The following CEP128 variants were observed in gnomAD, a reference collection of about 807,000 sequenced individuals.
The protein encoded by CEP128 is centrosomal protein 128kDa.
A neutral mutation model predicts 156.7 loss-of-function variants in CEP128; 132 were observed. The observed-to-expected ratio is 0.84, with a 90% CI of 0.73 to 0.97. The LOEUF is 0.97. CEP128 is among the 50% of genes least tolerant of loss of function. The pLI is 0.00. For missense variants in CEP128, 1,252 were observed against 1,281.9 expected (o/e 0.98, Z 0.36); for synonymous variants, 469 against 448.9 (o/e 1.04, Z -0.57).
intron 21 of CEP128, among the ~76,000 whole-genome samples, chr14:80,558,938 A>G (rs1023208964): frequency 2.0e-5 from 3 of 152,236 alleles, no homozygotes; most frequent in Non-Finnish European, 4.4e-5. Context: ...AACTGATCTC[A>G]GTTTCTTATC....
chr14:80,823,981 T>A (rs1396345729), intron 13 of CEP128, among the ~76,000 whole-genome samples: 1 of 152,224 alleles, frequency 6.6e-6, no homozygotes, highest in African/African-American at 2.4e-5. Flanking sequence ...TGCCTAGGCA[T>A]CCAGGCATTT....
chr14:80,832,085 A>T (rs1885833205), intron 12 of CEP128, among the ~76,000 whole-genome samples: 1 of 152,180 alleles, frequency 6.6e-6, no homozygotes, highest in Non-Finnish European at 1.5e-5. Flanking sequence ...TTTATAAAGG[A>T]GAGTTCCCCT....
At chr14:80,668,874 G>C (rs956671441) in intron 19 of CEP128, among the ~76,000 whole-genome samples, 4 of 152,164 alleles carry the variant, frequency 2.6e-5, no homozygotes, top group Non-Finnish European at 4.4e-5. Context: ...AGTCTCACAA[G>C]ATGATGGTTT....
chr14:80,604,044 A>T (rs1892684592), intron 19 of CEP128, among the ~76,000 whole-genome samples: 1 of 152,210 alleles, frequency 6.6e-6, no homozygotes, highest in African/African-American at 2.4e-5. Flanking sequence ...CTTTCAAAAA[A>T]GCAATATTTT....
At chr14:80,568,285 T>C (rs1330183872) in intron 20 of CEP128, among the ~76,000 whole-genome samples, 1 of 152,204 alleles carries the variant, frequency 6.6e-6, no homozygotes, top group Admixed American at 6.5e-5. Flanking sequence ...TCCCACGCCG[T>C]GTTCTCCTGA....
chr14:80,483,813 T>C (rs1196950229), intron 14 of CEP128, among the ~76,000 whole-genome samples: 1 of 152,212 alleles, frequency 6.6e-6, no homozygotes, highest in Non-Finnish European at 1.5e-5. Flanking sequence ...GTAGAAGCTA[T>C]ACATAATTTA....
At chr14:80,853,480 C>T (rs1007704595) in intron 9 of CEP128, among the ~76,000 whole-genome samples, 2 of 150,628 alleles carry the variant, frequency 1.3e-5, no homozygotes, top group African/African-American at 4.9e-5. Flanking sequence ...CCAGTTGTAC[C>T]CCTGTATACT....
chr14:80,927,406 T>C (rs1350453669), intron 2 of CEP128, among the ~76,000 whole-genome samples: 5 of 152,128 alleles, frequency 3.3e-5, no homozygotes, highest in African/African-American at 1.2e-4. Context: ...CTGGGGCTCC[T>C]CCCACAGGAG....
chr14:80,905,056 T>C (rs1386612165), intron 5 of CEP128, 125 bp from the exon 6 acceptor site: 2 of 610,510 alleles, frequency 3.3e-6, no homozygotes, highest in Admixed American at 2.6e-5. Flanking sequence ...ACCCAGACTA[T>C]TTCCCAAGTA....
chr14:80,792,943 C>T lies in CEP128; in HGVS notation c.1377G>A (p.Glu459=). ...RHAEDATKQA[E]RYLSELQQSE... is the part of the protein sequence containing the mutation. ...ACTGCTGGAGCTCACTGAGGTACCG[C>T]TCAGCCTGCTTGGTTGCATCCTCCG... Residue 459 remains glutamate, a synonymous_variant, in exon 14 of 25, where the codon GAG becomes GAA. Transcript: ENST00000555265. 6.2e-7 allele frequency: 1 copy of T among 1,614,194 alleles called. No homozygotes were observed. The highest frequency in any genetic ancestry group is 8.5e-7 in the Non-Finnish European group (1 of 1,180,036).
chr14:80,883,247 G>C (rs1888636569), intron 8 of CEP128, among the ~76,000 whole-genome samples: 1 of 151,644 alleles, frequency 6.6e-6, no homozygotes, highest in Non-Finnish European at 1.5e-5. Flanking sequence ...GAATCTTTGA[G>C]AGTGGGAAAA....
intron 19 of CEP128, among the ~76,000 whole-genome samples, chr14:80,588,153 AT>A (rs1891897782): frequency 6.6e-6 from 1 of 152,124 alleles, no homozygotes; most frequent in African/African-American, 2.4e-5. Flanking sequence ...GAAATTTGAA[AT>A]TTTTAGTGAA....
intron 8 of CEP128, among the ~76,000 whole-genome samples, chr14:80,870,836 T>A (rs999935740): frequency 6.6e-6 from 1 of 151,362 alleles, no homozygotes; most frequent in Non-Finnish European, 1.5e-5. Flanking sequence ...TGATCTTATA[T>A]ACAGAAAGCC....
intron 19 of CEP128, among the ~76,000 whole-genome samples, chr14:80,703,735 T>C (rs1897147631): frequency 6.6e-6 from 1 of 152,114 alleles, no homozygotes; most frequent in Non-Finnish European, 1.5e-5. Flanking sequence ...TTGACATTAA[T>C]ACAATCCACT....
chr14:80,742,908 T>A, intron 19 of CEP128, 167 bp downstream of exon 19: 1 of 617,816 alleles, frequency 1.6e-6, no homozygotes. Flanking sequence ...AAGAATTTTC[T>A]CTTCTCGTCC....
intron 19 of CEP128, among the ~76,000 whole-genome samples, chr14:80,637,177 T>C (rs1417548341): frequency 6.6e-6 from 1 of 151,934 alleles, no homozygotes; most frequent in East Asian, 1.9e-4. Context: ...AGAATAAAAC[T>C]AAAATTTTTA....
At chr14:80,757,614 T>A (rs899322562) in intron 17 of CEP128, among the ~76,000 whole-genome samples, 21 of 152,326 alleles carry the variant, frequency 1.4e-4, no homozygotes, top group African/African-American at 3.8e-4. Flanking sequence ...AATACAAAAG[T>A]TTTTTCTCAA....
chr14:80,822,252 G>T (rs1048385271), intron 13 of CEP128, among the ~76,000 whole-genome samples: 2 of 152,058 alleles, frequency 1.3e-5, no homozygotes, highest in African/African-American at 4.8e-5. Flanking sequence ...AGTCTCTTCC[G>T]CCCATAAGCC....
intron 19 of CEP128, among the ~76,000 whole-genome samples, chr14:80,644,966 A>G (rs566285518): frequency 6.6e-6 from 1 of 152,326 alleles, no homozygotes; most frequent in Admixed American, 6.5e-5. Flanking sequence ...TTCAATAAAA[A>G]TGAGAGAAAA....
Sources: allele counts gnomAD v4.1 joint callset (sites outside exome capture counted in the v4.1 genomes callset), GRCh38; gene constraint gnomAD v4.1.1; transcripts MANE v1.5; gene names NCBI Gene and HGNC (gene_info 2026-07-23, HGNC 2026-07-21).